NAV3: variants seen among roughly 807,000 people sequenced by gnomAD.
The protein encoded by NAV3 is neuron navigator 3, also known as pore membrane and/or filament interacting like protein 1.
NAV3 carries 87 observed loss-of-function variants against 244.7 expected under a neutral mutation model. The ratio of observed to expected loss-of-function variants is 0.36; its 90% CI spans 0.30 to 0.42. NAV3 has a LOEUF of 0.42. Among genes scored for constraint, NAV3 ranks in the 20% least tolerant of loss-of-function variants. The pLI is 1.00. For synonymous variants in NAV3, 1,126 were observed against 1,042.2 expected (o/e 1.08, Z -1.55); for missense variants, 2,663 against 2,893.3 (o/e 0.92, Z 1.83).
chr12:78,172,157 T>G (rs1593893287), intron 24 of NAV3, among the ~76,000 whole-genome samples: 1 of 151,698 alleles, frequency 6.6e-6, no homozygotes, highest in East Asian at 1.9e-4. Flanking sequence ...TTTTTCAAAA[T>G]GTACCATTGC....
chr12:78,048,692 G>T (rs1882248730), intron 9 of NAV3, among the ~76,000 whole-genome samples: 1 of 152,202 alleles, frequency 6.6e-6, no homozygotes, highest in Non-Finnish European at 1.5e-5. Context: ...GGAGGCACGG[G>T]GGTCAGGGAC....
In NAV3 at chr12:78,121,582, A is replaced by G. The variant is rs370272393; in HGVS notation, c.3750-358A>G. ...TCGAATGCGTAGAAGTTGTTTCATT[A>G]TAATGGTTCTGTAAATAGGTAACAG... On this transcript the variant is annotated intron_variant, in intron 15 of 39. Coordinates refer to ENST00000397909, the MANE Select transcript of NAV3 (RefSeq NM_001024383.2). Among the ~76,000 whole-genome samples the G allele has an allele frequency of 1.0e-4, 15 of 148,710 alleles. No individual in the cohort carries two copies. In the East Asian group the frequency reaches 2.3e-3, roughly 23 times the overall value.
chr12:77,794,871 T>A (rs1251992367), intron 2 of NAV3, among the ~76,000 whole-genome samples: 1 of 152,232 alleles, frequency 6.6e-6, no homozygotes. Context: ...AGATGCTGTG[T>A]GTTTCTGACA....
chr12:77,623,715 C>G (rs1871486966), intron 2 of NAV3, among the ~76,000 whole-genome samples: 2 of 152,134 alleles, frequency 1.3e-5, no homozygotes, highest in Non-Finnish European at 2.9e-5. Flanking sequence ...TGAGTTTTCT[C>G]TTGAAAACAA....
chr12:77,821,021 C>A (rs570029980), intron 2 of NAV3, among the ~76,000 whole-genome samples: 63 of 151,698 alleles, frequency 4.2e-4, no homozygotes, highest in African/African-American at 1.5e-3. Context: ...TCTCAATATT[C>A]CTCTCTCTCT....
At chr12:78,075,637 G>A (rs1333288690) in intron 12 of NAV3, among the ~76,000 whole-genome samples, 1 of 152,184 alleles carries the variant, frequency 6.6e-6, no homozygotes, top group Non-Finnish European at 1.5e-5. Context: ...TAAGTGAAAA[G>A]AGAGTATGAG....
rs555398640 is a variant in NAV3 at position 77,971,263 on chromosome 12, T to C, written c.671+2561T>C. Among the ~76,000 whole-genome samples, 6 of 152,254 alleles carry C rather than the reference T, an allele frequency of 3.9e-5. No homozygotes were observed. The East Asian group carries it at 5.8e-4, about 15-fold the overall frequency. On this transcript the variant is annotated intron_variant, in intron 5 of 39. Transcript: ENST00000397909. ...AGCCTTTAAGGCTGTGGTAGACTTT[T>C]AGCAAAATTTTCTCTGCTAAATTGG...
chr12:78,204,001 T>C (rs998826797), intron 38 of NAV3, among the ~76,000 whole-genome samples: 4 of 152,140 alleles, frequency 2.6e-5, no homozygotes, highest in Non-Finnish European at 5.9e-5. Context: ...CAGCTCTTAC[T>C]TATTGGGCAA....
chr12:77,856,101 G>A (rs1040322000), intron 1 of NAV3, among the ~76,000 whole-genome samples: 1 of 151,976 alleles, frequency 6.6e-6, no homozygotes, highest in African/African-American at 2.4e-5. Flanking sequence ...TTTAAGAAAC[G>A]TTCTTTATTG....
chr12:77,593,066 C>T (rs1051026060), intron 2 of NAV3, among the ~76,000 whole-genome samples: 2 of 152,076 alleles, frequency 1.3e-5, no homozygotes, highest in African/African-American at 4.8e-5. Flanking sequence ...GCAAACAACC[C>T]TGCTTTTTTC....
At chr12:78,177,023 C>A in intron 26 of NAV3, 118 bp from the exon 27 acceptor site, 1 of 907,806 alleles carries the variant, frequency 1.1e-6, no homozygotes, top group Non-Finnish European at 1.8e-6. Flanking sequence ...TGTTAATACT[C>A]TGCTTGTACA....
chr12:78,081,109 T>C (rs945604321), intron 12 of NAV3, among the ~76,000 whole-genome samples: 1 of 152,216 alleles, frequency 6.6e-6, no homozygotes, highest in African/African-American at 2.4e-5. Flanking sequence ...TATGTAAGTC[T>C]TTTGAGTCTT....
At chr12:77,868,844 C>G (rs553202177) in intron 1 of NAV3, among the ~76,000 whole-genome samples, 1 of 150,372 alleles carries the variant, frequency 6.7e-6, no homozygotes. Flanking sequence ...CCAAGGCGAG[C>G]GGATTGCCTG....
At chr12:77,686,778 A>G (rs1033235803) in intron 2 of NAV3, among the ~76,000 whole-genome samples, 1 of 152,118 alleles carries the variant, frequency 6.6e-6, no homozygotes, top group African/African-American at 2.4e-5. Context: ...AGGTCTTAAC[A>G]TACACCACTG....
chr12:77,786,189 C>T (rs1333424335), intron 2 of NAV3, among the ~76,000 whole-genome samples: 1 of 151,940 alleles, frequency 6.6e-6, no homozygotes, highest in Non-Finnish European at 1.5e-5. Flanking sequence ...TATATTATGC[C>T]CCTAACTGCT....
chr12:77,978,465 C>A (rs1048017271), intron 5 of NAV3, among the ~76,000 whole-genome samples: 4 of 152,054 alleles, frequency 2.6e-5, no homozygotes, highest in Admixed American at 2.6e-4. Context: ...AAATAGAGCA[C>A]TGATTATATA....
intron 2 of NAV3, among the ~76,000 whole-genome samples, chr12:77,812,488 C>A (rs1439112259): frequency 2.6e-5 from 4 of 151,522 alleles, no homozygotes; most frequent in African/African-American, 9.7e-5. Context: ...TCTCGGGGCT[C>A]ACTGCAGCCT....
At chr12:77,872,354 A>C (rs1881104722) in intron 1 of NAV3, among the ~76,000 whole-genome samples, 1 of 152,174 alleles carries the variant, frequency 6.6e-6, no homozygotes, top group Non-Finnish European at 1.5e-5. Flanking sequence ...GGAAAAAAAA[A>C]CATTAATGTC....
At chr12:78,104,632 C>T (rs550004514) in intron 12 of NAV3, among the ~76,000 whole-genome samples, 35 of 152,252 alleles carry the variant, frequency 2.3e-4, no homozygotes, top group African/African-American at 8.2e-4. Flanking sequence ...CTATGTGTAT[C>T]CAAACAATAA....
Sources: allele counts gnomAD v4.1 joint callset (sites outside exome capture counted in the v4.1 genomes callset), GRCh38; gene constraint gnomAD v4.1.1; transcripts MANE v1.5; gene names NCBI Gene and HGNC (gene_info 2026-07-23, HGNC 2026-07-21).